CALHM4: variants seen among roughly 807,000 people sequenced by gnomAD.
CALHM4 encodes calcium homeostasis modulator family member 4, also known as calcium homeostasis modulator protein 4.
Under a neutral mutation model 13.3 loss-of-function variants are expected in CALHM4, and 16 were observed. That is an observed-to-expected ratio of 1.20 (90% CI 0.81 to 1.82). The LOEUF (loss-of-function observed/expected upper bound fraction) is 1.82, where lower values mean the gene tolerates loss of function less well. CALHM4 is among the 40% of genes most tolerant of loss of function. CALHM4 has a pLI of 0.00. For synonymous variants in CALHM4, 127 were observed against 137.1 expected, an observed-to-expected ratio of 0.93 and a Z score of 0.52; for missense variants, 344 against 374.9, an observed-to-expected ratio of 0.92 and a Z score of 0.68.
At chr6:116,532,755 T>C (rs1430980250) in intron 1 of CALHM4, among the ~76,000 whole-genome samples, 4 of 152,188 alleles carry the variant, frequency 2.6e-5, no homozygotes, top group Non-Finnish European at 5.9e-5. Context: ...CACGATAAAA[T>C]TGAATCTCAC....
At position 116,560,650 on chromosome 6, in the gene CALHM4, TGG is replaced by T. The variant is rs34461745; in HGVS notation, c.*2452_*2453del. Among the ~76,000 whole-genome samples the T allele has an allele frequency of 0.14, 17,405 of 121,034 alleles. 1,732 individuals are homozygous for T. The highest frequency in any genetic ancestry group is 0.27 in the African/African-American group (8,088 of 29,662). The allele number at this position is 121,034 out of a possible 152,430, so 79.4% of individuals were successfully genotyped here. ...CAAATAAATGGAATTTTTAGTATTTTGGGGGGGGGGGGGGCTATGGTCTATAG... is the reference window on the plus strand; with the variant it reads ...CAAATAAATGGAATTTTTAGTATTTTGGGGGGGGGGGGCTATGGTCTATAG... On this transcript the variant is annotated 3_prime_UTR_variant, in exon 2 of 2. Transcript: ENST00000368596.
intron 1 of CALHM4, among the ~76,000 whole-genome samples, chr6:116,530,223 C>A (rs984423805): frequency 6.6e-6 from 1 of 152,086 alleles, no homozygotes; most frequent in Non-Finnish European, 1.5e-5. Flanking sequence ...ACCACCCCCC[C>A]TCCTTTTTAA....
intron 1 of CALHM4, among the ~76,000 whole-genome samples, chr6:116,537,727 G>A (rs1311854033): frequency 1.3e-5 from 2 of 152,146 alleles, no homozygotes; most frequent in East Asian, 3.8e-4. Context: ...GCTACCTCCT[G>A]CAGAAGAAAA....
In CALHM4 at chr6:116,558,060, G is replaced by A. The variant is rs202028712; in HGVS notation, c.794G>A (p.Arg265His). ...GGGAGTGAAGACGTCAAACACATCC[G>A]CATTCCTTCTTGTCAGGACTGGAAA... ...IPGSEDVKHI[R>H]IPSCQDWKDI... Residue 265 changes from arginine (R) to histidine (H), a missense_variant, in exon 2 of 2, where the codon CGC becomes CAC. By Grantham distance (29) the Arg-to-His change is conservative (BLOSUM62 0). Coordinates refer to ENST00000368596, the MANE Select transcript of CALHM4 (RefSeq NM_001366078.2). The A allele has an allele frequency of 2.3e-5, 37 of 1,614,104 alleles. No homozygotes were observed. The Admixed American group carries it at 2.3e-4, about 10-fold the overall frequency.
chr6:116,544,442 C>T (rs113798259), intron 2 of CALHM4, among the ~76,000 whole-genome samples: 8 of 152,200 alleles, frequency 5.3e-5, no homozygotes, highest in Non-Finnish European at 1.2e-4. Context: ...TGGCCAAGGA[C>T]TGTACCTTGA....
intron 1 of CALHM4, among the ~76,000 whole-genome samples, chr6:116,556,516 T>G (rs1583318324): frequency 1.3e-5 from 2 of 152,204 alleles, no homozygotes; most frequent in African/African-American, 4.8e-5. Context: ...AATACCACTT[T>G]GTAGGTTTTA....
chr6:116,558,315 C>A lies in CALHM4; in HGVS notation c.*104C>A. The A allele has an allele frequency of 8.1e-7, 1 of 1,231,236 alleles. No individual in the cohort carries two copies. The highest frequency in any genetic ancestry group is 1.1e-6 in the Non-Finnish European group (1 of 902,738). The allele number at this position is 1,231,236 out of a possible 1,614,324, so 76.3% of individuals were successfully genotyped here. A position where few individuals can be genotyped will look rare whatever the true frequency, so the allele number is the denominator to read the frequency against. On this transcript the variant is annotated 3_prime_UTR_variant, in exon 2 of 2. Coordinates refer to ENST00000368596, the MANE Select transcript of CALHM4 (RefSeq NM_001366078.2). ...AATCTCTTCATCTTTTTCTTTCTCT[C>A]TGATATTTGTTTACGTAAGTCCATC...
chr6:116,536,396 T>C (rs561880829), intron 1 of CALHM4, among the ~76,000 whole-genome samples: 31 of 152,298 alleles, frequency 2.0e-4, no homozygotes, highest in African/African-American at 7.5e-4. Context: ...GACCTCCTCT[T>C]TGAAGAAAAA....
At chr6:116,554,374 C>T in intron 1 of CALHM4, 23 bp downstream of exon 1, 1 of 1,498,186 alleles carries the variant, frequency 6.7e-7, no homozygotes, top group Non-Finnish European at 8.9e-7. Context: ...AATTTTTTTC[C>T]CTCTGCTATG....
At chr6:116,536,298 A>G (rs2115214963) in intron 1 of CALHM4, among the ~76,000 whole-genome samples, 1 of 152,328 alleles carries the variant, frequency 6.6e-6, no homozygotes, top group East Asian at 1.9e-4. Flanking sequence ...TTTGGCCATT[A>G]TCATGGGATT....
intron 1 of CALHM4, among the ~76,000 whole-genome samples, chr6:116,541,163 C>A (rs984650044): frequency 4.6e-5 from 7 of 151,902 alleles, no homozygotes; most frequent in Non-Finnish European, 7.4e-5. Flanking sequence ...TGTGATTATA[C>A]ACACACTGAA....
At chr6:116,542,142 T>G (rs1773501107) in intron 1 of CALHM4, among the ~76,000 whole-genome samples, 1 of 152,144 alleles carries the variant, frequency 6.6e-6, no homozygotes, top group African/African-American at 2.4e-5. Flanking sequence ...AAATGCTATG[T>G]CAGATGTTTA....
At chr6:116,530,217 C>G (rs1163493931) in intron 1 of CALHM4, among the ~76,000 whole-genome samples, 1 of 151,788 alleles carries the variant, frequency 6.6e-6, no homozygotes, top group African/African-American at 2.4e-5. Flanking sequence ...GAACAAACCA[C>G]CCCCCCTCCT....
At chr6:116,543,828 T>A in exon 2 of CALHM4, 2 of 1,534,320 alleles carry the variant, frequency 1.3e-6, no homozygotes, top group Non-Finnish European at 1.7e-6. Context: ...CCCCCAGATC[T>A]GCCAAGGAGA....
In CALHM4 at chr6:116,546,283, C is replaced by T. The variant is rs900738711; in HGVS notation, c.-1+2411C>T. 9.9e-5 allele frequency among the ~76,000 whole-genome samples: 15 copies of T among 152,228 alleles called. No individual in the cohort carries two copies. In the South Asian group the frequency reaches 1.0e-3, roughly 11 times the overall value. On this transcript the variant is annotated intron_variant, in intron 2 of 2. Transcript: ENST00000368597. Reference sequence around the variant, plus strand: ...AGCTTTCTTTTGAGAGCTCCTGAGACGTAAGCTATTGAAGGCTCTCTTTAT... The same window carrying T: ...AGCTTTCTTTTGAGAGCTCCTGAGATGTAAGCTATTGAAGGCTCTCTTTAT...
At chr6:116,534,193 G>A (rs1300605371) in intron 1 of CALHM4, among the ~76,000 whole-genome samples, 1 of 151,838 alleles carries the variant, frequency 6.6e-6, no homozygotes, top group African/African-American at 2.4e-5. Context: ...TGAAATGATT[G>A]TGTGATTCCT....
At chr6:116,540,338 T>G (rs1773358738) in intron 1 of CALHM4, 1 of 1,543,142 alleles carries the variant, frequency 6.5e-7, no homozygotes, top group Non-Finnish European at 8.8e-7. Flanking sequence ...TCAAAACATA[T>G]TGACAGAGAT....
Position 116,558,295 on chromosome 6 carries a change from C to T in CALHM4, c.*84C>T, listed in dbSNP as rs1416087123. 7.3e-7 allele frequency: 1 copy of T among 1,362,026 alleles called. No homozygotes were observed. The highest frequency in any genetic ancestry group is 9.9e-7 in the Non-Finnish European group (1 of 1,013,682). The allele number at this position is 1,362,026 out of a possible 1,614,324, so 84.4% of individuals were successfully genotyped here. On this transcript the variant is annotated 3_prime_UTR_variant, in exon 2 of 2. Transcript: ENST00000368596. ...TGATCAGGCCATTTCAATGTAATCT[C>T]TTCATCTTTTTCTTTCTCTCTGATA...
chr6:116,547,023 A>T (rs1773821941), intron 2 of CALHM4, among the ~76,000 whole-genome samples: 1 of 152,216 alleles, frequency 6.6e-6, no homozygotes, highest in South Asian at 2.1e-4. Context: ...ATTTTACAGG[A>T]TAAGAATCTA....
Sources: allele counts gnomAD v4.1 joint callset (sites outside exome capture counted in the v4.1 genomes callset), GRCh38; gene constraint gnomAD v4.1.1; transcripts MANE v1.5; gene names NCBI Gene and HGNC (gene_info 2026-07-23, HGNC 2026-07-21).